FKBP6: variants seen among roughly 807,000 people sequenced by gnomAD.
FKBP6 encodes the protein FKBP prolyl isomerase family member 6 (inactive), also known as inactive peptidyl-prolyl cis-trans isomerase FKBP6.
FKBP6 carries 29 observed loss-of-function variants against 41.7 expected under a neutral mutation model. That is an observed-to-expected ratio of 0.70 (90% CI 0.52 to 0.95). FKBP6 has a LOEUF of 0.95. Ranked by LOEUF, FKBP6 falls within the 40% of genes least tolerant of loss-of-function variation. The pLI, the probability that FKBP6 is intolerant of heterozygous loss-of-function variation, is 0.00. For missense variants in FKBP6, 338 were observed against 408.7 expected, an observed-to-expected ratio of 0.83 and a Z score of 1.49; for synonymous variants, 130 against 165.1, an observed-to-expected ratio of 0.79 and a Z score of 1.63.
At chr7:73,347,074 CCA>C in intron 8 of FKBP6, among the ~76,000 whole-genome samples, 1 of 152,272 alleles carries the variant, frequency 6.6e-6, no homozygotes, top group African/African-American at 2.4e-5. Flanking sequence ...AGGTGACCAC[CCA>C]CACGGTCAGC....
intron 5 of FKBP6, among the ~76,000 whole-genome samples, chr7:73,338,121 G>A (rs1554548838): frequency 1.3e-5 from 2 of 152,238 alleles, no homozygotes; most frequent in Middle Eastern, 3.4e-3. Flanking sequence ...TGCCTCCCAG[G>A]TTCAAGCGAT....
chr7:73,328,328 G>A lies in FKBP6; in HGVS notation c.-101G>A, dbSNP rs1804699554. The A allele has an allele frequency of 5.2e-6, 8 of 1,549,952 alleles. No homozygotes were observed. The highest frequency in any genetic ancestry group is 7.0e-6 in the Non-Finnish European group (8 of 1,147,066). ...ATGCCGCCGTCGGTAGGGGTCTGCC[G>A]GGCATAAAGGGGCCTTCGGAACCCC... On this transcript the variant is annotated 5_prime_UTR_variant, in exon 1 of 9. Transcript: ENST00000252037.
In FKBP6 at chr7:73,341,274, C is replaced by A. The variant is rs782401569; in HGVS notation, c.785C>A (p.Ala262Asp). 2 of 1,603,096 alleles carry A rather than the reference C, an allele frequency of 1.2e-6. No individual in the cohort carries two copies. The highest frequency in any genetic ancestry group is 1.1e-5 in the South Asian group (1 of 90,856). The change falls in exon 7 of 9, where the codon GCT (alanine) becomes GAT (aspartate). Residue 262 changes from alanine to aspartate, a missense_variant and splice_region_variant. Coordinates refer to ENST00000252037, the MANE Select transcript of FKBP6 (RefSeq NM_003602.5). ...NAKALFRCGQACLLLTEYQKA... is the reference protein window; with the variant it reads ...NAKALFRCGQDCLLLTEYQKA... ...TTTAAAGTTCTCTCCTTGGGACAGG[C>A]TTGTCTTCTCCTGACTGAGTATCAA...
chr7:73,357,586 C>A (rs1413737624), intron 8 of FKBP6, among the ~76,000 whole-genome samples: 1 of 151,998 alleles, frequency 6.6e-6, no homozygotes, highest in Non-Finnish European at 1.5e-5. Flanking sequence ...TTACTTCTGT[C>A]CCGTTGCCTG....
chr7:73,336,276 T>C (rs1805002047), intron 5 of FKBP6, among the ~76,000 whole-genome samples: 1 of 152,084 alleles, frequency 6.6e-6, no homozygotes, highest in Admixed American at 6.6e-5. Context: ...CCATAAATTC[T>C]CGGCAGGAAA....
chr7:73,330,662 T>C (rs1804812749), intron 4 of FKBP6, among the ~76,000 whole-genome samples: 1 of 152,194 alleles, frequency 6.6e-6, no homozygotes, highest in Admixed American at 6.5e-5. Context: ...TTTTCATCGT[T>C]TGGTTTCCAG....
rs1554549342 is a variant in FKBP6 at position 73,340,723 on chromosome 7, T to G, written c.674T>G (p.Leu225Arg). ...GCCAAGCTTCCTGTTCTCCTGAACC[T>G]GTCCTTTACATACCTGAAGCTAGAC... ...EAAKLPVLLN[L>R]SFTYLKLDRP... The change falls in exon 6 of 9, where the codon CTG becomes CGG. Residue 225 changes from leucine to arginine, a missense_variant. Transcript: ENST00000252037. The G allele has an allele frequency of 2.5e-6, 4 of 1,614,016 alleles. No individual in the cohort carries two copies. Among genetic ancestry groups the G allele is most frequent in the Non-Finnish European group, 3.4e-6 (4 of 1,179,972 alleles).
At chr7:73,356,129 T>C (rs548861485) in intron 8 of FKBP6, among the ~76,000 whole-genome samples, 1 of 149,156 alleles carries the variant, frequency 6.7e-6, no homozygotes, top group East Asian at 2.0e-4. Flanking sequence ...AAAAGAATTA[T>C]ACATTTTGTA....
chr7:73,339,832 C>T (rs1436412786), intron 5 of FKBP6, among the ~76,000 whole-genome samples: 1 of 152,068 alleles, frequency 6.6e-6, no homozygotes, highest in African/African-American at 2.4e-5. Context: ...AGACGGGTCT[C>T]GAACTCCCGA....
intron 5 of FKBP6, chr7:73,336,745 C>G: frequency 2.2e-6 from 1 of 456,516 alleles, no homozygotes; most frequent in Non-Finnish European, 4.4e-6. Flanking sequence ...TAATGAGGCT[C>G]TGTTTCATGT....
At chr7:73,352,613 C>T (rs1805521986) in intron 8 of FKBP6, among the ~76,000 whole-genome samples, 1 of 152,168 alleles carries the variant, frequency 6.6e-6, no homozygotes, top group Admixed American at 6.6e-5. Context: ...TTGATGCTCC[C>T]CTACGCTCCC....
At chr7:73,357,298 G>A (rs1253394669) in intron 8 of FKBP6, among the ~76,000 whole-genome samples, 1 of 126,258 alleles carries the variant, frequency 7.9e-6, no homozygotes, top group African/African-American at 3.0e-5. Flanking sequence ...TTTTTGAGAC[G>A]GAGTCTCACT....
At chr7:73,329,201 AC>A (rs1292239104) in intron 2 of FKBP6, among the ~76,000 whole-genome samples, 158 bp from the exon 3 acceptor site, 1 of 152,168 alleles carries the variant, frequency 6.6e-6, no homozygotes, top group African/African-American at 2.4e-5. Flanking sequence ...AAGGGCCGGC[AC>A]CCAAAATGCA....
chr7:73,347,516 A>G (rs1400107125), intron 8 of FKBP6, among the ~76,000 whole-genome samples: 4 of 152,170 alleles, frequency 2.6e-5, no homozygotes, highest in Admixed American at 1.3e-4. Context: ...TTATCTGTTG[A>G]CTTCCTGCTA....
intron 8 of FKBP6, among the ~76,000 whole-genome samples, chr7:73,351,155 C>G (rs1398210881): frequency 6.6e-6 from 1 of 152,110 alleles, no homozygotes; most frequent in Admixed American, 6.6e-5. Flanking sequence ...TCTCAGCTCA[C>G]TGCAACGTTC....
chr7:73,337,468 C>T (rs529877351), intron 5 of FKBP6, among the ~76,000 whole-genome samples: 1 of 152,102 alleles, frequency 6.6e-6, no homozygotes, highest in African/African-American at 2.4e-5. Flanking sequence ...GCGCCTGCTA[C>T]CACATCCAGC....
intron 5 of FKBP6, among the ~76,000 whole-genome samples, chr7:73,337,961 T>C (rs1359237388): frequency 6.6e-6 from 1 of 152,234 alleles, no homozygotes; most frequent in East Asian, 1.9e-4. Context: ...ATTTTGTGGC[T>C]GTCTTATTTC....
Position 73,330,433 on chromosome 7 carries a change from G to T in FKBP6, c.468+81G>T, listed in dbSNP as rs1334535086. On this transcript the variant is annotated intron_variant, in intron 4 of 8. Coordinates refer to ENST00000252037, the MANE Select transcript of FKBP6 (RefSeq NM_003602.5). The stretch of plus-strand genomic sequence containing the variant: ...TATTGGTAATTCTTCTAGATGGCCT[G>T]CCCTGAGGCTGATCGTCCTCTCCAG... 9.9e-6 allele frequency: 11 copies of T among 1,115,372 alleles called. No individual in the cohort carries two copies. In the African/African-American group the frequency reaches 1.7e-4, roughly 17 times the overall value. The allele number at this position is 1,115,372 out of a possible 1,614,324, so 69.1% of individuals were successfully genotyped here.
rs1463495199 is a variant in FKBP6 at position 73,341,158 on chromosome 7, A to C, written c.784-115A>C. ...AGGCTGGTCTGGAATCCCTGACCTC[A>C]GTTGATCCGCCCGCCTTGGCCTCCC... On this transcript the variant is annotated intron_variant, in intron 6 of 8. Coordinates refer to ENST00000252037, the MANE Select transcript of FKBP6 (RefSeq NM_003602.5). 3.7e-6 allele frequency: 3 copies of C among 811,564 alleles called. No homozygotes were observed. The African/African-American group carries it at 5.0e-5, about 14-fold the overall frequency. 50.3% of individuals were successfully genotyped at this position (811,564 alleles called of 1,614,324 possible).
Sources: allele counts gnomAD v4.1 joint callset (sites outside exome capture counted in the v4.1 genomes callset), GRCh38; gene constraint gnomAD v4.1.1; transcripts MANE v1.5; gene names NCBI Gene and HGNC (gene_info 2026-07-23, HGNC 2026-07-21).